Variants in CCDC190 observed in about 807,000 individuals in gnomAD.
CCDC190 encodes the protein coiled-coil domain containing 190.
CCDC190 carries 10 observed loss-of-function variants against 13.1 expected under a neutral mutation model. That is an observed-to-expected ratio of 0.77 (90% CI 0.47 to 1.30). The LOEUF (loss-of-function observed/expected upper bound fraction) is 1.30, where lower values mean the gene tolerates loss of function less well. CCDC190 is among the 50% of genes most tolerant of loss of function. The probability of loss-of-function intolerance (pLI) is 0.00; values close to 1 mark genes in which losing one functional copy is unlikely to be tolerated. For synonymous variants in CCDC190, 136 were observed against 127.2 expected, an observed-to-expected ratio of 1.07 and a Z score of -0.47; for missense variants, 375 against 354.3, an observed-to-expected ratio of 1.06 and a Z score of -0.47.
Position 162,859,565 on chromosome 1 carries a change from G to T in CCDC190, c.82C>A (p.Leu28Met). The change falls in exon 2 of 4, where the codon CTG (leucine) becomes ATG (methionine). Residue 28 changes from leucine to methionine, a missense_variant. Transcript: ENST00000367912. ...TTTAGTCTCTGCAGTCTTTGGTCCA[G>T]TCTGGCTTCAGCCTGCTTGGCATTC... ...RKNAKQAEARLDQRLQRLKVI... is the reference protein window; with the variant it reads ...RKNAKQAEARMDQRLQRLKVI... The T allele has an allele frequency of 1.2e-6, 2 of 1,613,950 alleles. No individual in the cohort carries two copies. The highest frequency in any genetic ancestry group is 1.7e-6 in the Non-Finnish European group (2 of 1,179,870).
chr1:162,857,537 A>G (rs770584181), intron 2 of CCDC190, among the ~76,000 whole-genome samples: 5 of 152,182 alleles, frequency 3.3e-5, no homozygotes, highest in African/African-American at 9.7e-5. Context: ...TGAGGCAAGC[A>G]GTGATCATGT....
chr1:162,863,911 C>T (rs900177777), upstream of CCDC190, among the ~76,000 whole-genome samples: 2 of 151,102 alleles, frequency 1.3e-5, no homozygotes, highest in African/African-American at 4.9e-5. Flanking sequence ...CCCAGCTACT[C>T]GGGAGGCTGA....
rs555028246 is a variant in CCDC190 at position 162,855,254 on chromosome 1, T to C, written c.417A>G (p.Pro139=). The C allele has an allele frequency of 4.3e-5, 69 of 1,613,816 alleles. 3 individuals are homozygous for C. In the South Asian group the frequency reaches 6.5e-4, roughly 15 times the overall value. The part of the protein sequence containing the change: ...LKDPMKSKKQ[P]LSQNNRTACF... ...AGGCAGTTCTGTTATTTTGAGAGAG[T>C]GGCTGCTTTTTGCTCTTCATGGGGT... Residue 139 remains proline, a synonymous_variant, in exon 4 of 4, where the codon CCA becomes CCG. Coordinates refer to ENST00000367912, the MANE Select transcript of CCDC190 (RefSeq NM_001394065.1).
chr1:162,855,293 A>G lies in CCDC190; in HGVS notation c.378T>C (p.Asp126=), dbSNP rs1650261865. 1 of 1,613,586 alleles carries G rather than the reference A, an allele frequency of 6.2e-7. No homozygotes were observed. The highest frequency in any genetic ancestry group is 1.7e-5 in the Admixed American group (1 of 60,010). The part of the protein sequence containing the change: ...KSKSQVPPSH[D]AGLKDPMKSK... ...TCTTCATGGGGTCTTTGAGGCCAGCATCATGTGAAGGAGGCACCTGGGACT... is the reference window on the plus strand; with the variant it reads ...TCTTCATGGGGTCTTTGAGGCCAGCGTCATGTGAAGGAGGCACCTGGGACT... The change falls in exon 4 of 4, where the codon GAT becomes GAC. Residue 126 remains aspartate (D), a synonymous_variant. Transcript: ENST00000367912.
At chr1:162,859,717 C>T (rs1054473656) in intron 1 of CCDC190, 59 bp from the exon 2 acceptor site, 74 of 1,404,874 alleles carry the variant, frequency 5.3e-5, no homozygotes, top group Admixed American at 9.2e-5. Context: ...ATACTGACCC[C>T]GGCTTTTAAT....
intron 1 of CCDC190, among the ~76,000 whole-genome samples, chr1:162,860,720 GCTAA>G (rs1650481074): frequency 6.6e-6 from 1 of 152,078 alleles, no homozygotes; most frequent in East Asian, 1.9e-4. Flanking sequence ...ACCACGCCTG[GCTAA>G]CTTTTTATAT....
At position 162,854,967 on chromosome 1, in the gene CCDC190, C is replaced by T. The variant is rs1227620020; in HGVS notation, c.704G>A (p.Ser235Asn). 5 of 1,613,930 alleles carry T rather than the reference C, an allele frequency of 3.1e-6. No homozygotes were observed. The highest frequency in any genetic ancestry group is 1.3e-5 in the African/African-American group (1 of 74,936). ...IPPKHMECAG[S>N]FEGEFTKPTF... ...TGGCTTTGTGAACTCGCCTTCGAAG[C>T]TTCCTGCACATTCCATGTGTTTTGG... Residue 235 changes from serine to asparagine, a missense_variant, in exon 4 of 4, where the codon AGC (serine) becomes AAC (asparagine). Ser to Asn is a conservative substitution (Grantham distance 46). Transcript: ENST00000367912.
chr1:162,854,841 C>T lies in CCDC190; in HGVS notation c.830G>A (p.Gly277Glu), dbSNP rs1650227386. Residue 277 changes from glycine (G) to glutamate (E), a missense_variant, in exon 4 of 4, where the codon GGG (glycine) becomes GAG (glutamate). Gly to Glu is a moderately conservative substitution (Grantham distance 98). Coordinates refer to ENST00000367912, the MANE Select transcript of CCDC190 (RefSeq NM_001394065.1). ...CCTGGATGATGAGGATTCCCCATGC[C>T]CAAATATCTCTCCAATGCTAAGCAA... Reference protein sequence around the residue: ...ERLLSIGEIFGHGESSSSRAG... With the variant: ...ERLLSIGEIFEHGESSSSRAG... 5.0e-6 allele frequency: 8 copies of T among 1,613,832 alleles called. No homozygotes were observed. Among genetic ancestry groups the T allele is most frequent in the Non-Finnish European group, 6.8e-6 (8 of 1,179,882 alleles).
intron 1 of CCDC190, among the ~76,000 whole-genome samples, chr1:162,860,719 G>T (rs1379545220): frequency 2.0e-5 from 3 of 151,908 alleles, no homozygotes; most frequent in Non-Finnish European, 2.9e-5. Flanking sequence ...CACCACGCCT[G>T]GCTAACTTTT....
intron 2 of CCDC190, among the ~76,000 whole-genome samples, chr1:162,857,552 G>A (rs566737857): frequency 2.4e-4 from 36 of 152,182 alleles, no homozygotes; most frequent in Admixed American, 7.8e-4. Context: ...TCATGTATGC[G>A]CCTTTATACA....
At chr1:162,856,280 G>C (rs1329861667) in intron 2 of CCDC190, among the ~76,000 whole-genome samples, 1 of 152,150 alleles carries the variant, frequency 6.6e-6, no homozygotes, top group African/African-American at 2.4e-5. Flanking sequence ...TTGATCTGGT[G>C]TGATAGATGG....
chr1:162,868,054 A>G (rs1247633249), intron 1 of CCDC190, among the ~76,000 whole-genome samples: 1 of 152,230 alleles, frequency 6.6e-6, no homozygotes, highest in Non-Finnish European at 1.5e-5. Flanking sequence ...TTTAGTGGAT[A>G]TAAATTTTAT....
chr1:162,864,913 A>G (rs1650646895), upstream of CCDC190, among the ~76,000 whole-genome samples: 2 of 152,228 alleles, frequency 1.3e-5, no homozygotes, highest in Middle Eastern at 3.4e-3. Flanking sequence ...ACCATAATAA[A>G]TGTAAATGGT....
rs1650239754 is a variant in CCDC190 at position 162,854,977 on chromosome 1, A to G, written c.694T>C (p.Cys232Arg). The G allele has an allele frequency of 6.8e-6, 11 of 1,614,002 alleles. No homozygotes were observed. In the South Asian group the frequency reaches 1.1e-4, roughly 16 times the overall value. Residue 232 changes from cysteine to arginine, a missense_variant, in exon 4 of 4, where the codon TGT (cysteine) becomes CGT (arginine). Cys to Arg is a radical substitution (Grantham distance 180). Transcript: ENST00000367912. ...GKQIPPKHME[C>R]AGSFEGEFTK... ...AACTCGCCTTCGAAGCTTCCTGCAC[A>G]TTCCATGTGTTTTGGGGGAATTTGT...
rs1481694257 is a variant in CCDC190 at position 162,853,006 on chromosome 1, A to G, written c.*1759T>C. The G allele has an allele frequency of 9.9e-7, 1 of 1,011,136 alleles. No homozygotes were observed. The highest frequency in any genetic ancestry group is 2.6e-5 in the East Asian group (1 of 38,198). 62.6% of individuals were successfully genotyped at this position (1,011,136 alleles called of 1,614,324 possible). A position where few individuals can be genotyped will look rare whatever the true frequency, so the allele number is the denominator to read the frequency against. ...ATGTTGGCCCAGGCATGGCTGGTGC[A>G]AATAAATTAAGTTTTTGTGAATCAA... On this transcript the variant is annotated 3_prime_UTR_variant, in exon 4 of 4. Coordinates refer to ENST00000367912, the MANE Select transcript of CCDC190 (RefSeq NM_001394065.1).
In CCDC190 at chr1:162,854,660, C is replaced by G. The variant is rs1571038068; in HGVS notation, c.*105G>C. 5.6e-6 allele frequency: 8 copies of G among 1,435,980 alleles called. No individual in the cohort carries two copies. In the South Asian group the frequency reaches 8.3e-5, roughly 15 times the overall value. 89.0% of individuals were successfully genotyped at this position (1,435,980 alleles called of 1,614,324 possible). A position where few individuals can be genotyped will look rare whatever the true frequency, so the allele number is the denominator to read the frequency against. On this transcript the variant is annotated 3_prime_UTR_variant, in exon 4 of 4. Coordinates refer to ENST00000367912, the MANE Select transcript of CCDC190 (RefSeq NM_001394065.1). ...GGGAGTTTAAAATAAAATTGTAATT[C>G]AATTATGTTTGTTTGTTTTTCTCTG...
chr1:162,855,558 A>G, intron 3 of CCDC190, 74 bp downstream of exon 3: 1 of 1,576,600 alleles, frequency 6.3e-7, no homozygotes. Context: ...TTTCTTCAGG[A>G]AAACAGTTTA....
rs765990205 is a variant in CCDC190, at chr1:162,854,879, A to AG, written c.791dup (p.Glu265Ter). ...CAATGCTAAGCAACCTCTCAGACTCAGGGGGGACCCTGTGCCGGAGATAAT... is the reference window on the plus strand; with the variant it reads ...CAATGCTAAGCAACCTCTCAGACTCAGGGGGGGACCCTGTGCCGGAGATAAT... On this transcript the variant is annotated frameshift_variant, in exon 4 of 4. Coordinates refer to ENST00000367912, the MANE Select transcript of CCDC190 (RefSeq NM_001394065.1). LOFTEE classifies it low-confidence loss of function (END_TRUNC). 9.3e-6 allele frequency: 15 copies of AG among 1,613,830 alleles called. No individual in the cohort carries two copies. The highest frequency in any genetic ancestry group is 2.7e-5 in the African/African-American group (2 of 74,938).
upstream of CCDC190, among the ~76,000 whole-genome samples, chr1:162,863,350 T>C (rs1650585795): frequency 6.6e-6 from 1 of 152,202 alleles, no homozygotes; most frequent in South Asian, 2.1e-4. Flanking sequence ...GGTTTTCTGA[T>C]AGAATTGAAT....
Sources: gnomAD v4.1 joint callset for allele counts (sites outside exome capture counted in the v4.1 genomes callset) on GRCh38, gnomAD v4.1.1 for gene constraint, MANE v1.5 for transcripts, NCBI Gene and HGNC (gene_info 2026-07-23, HGNC 2026-07-21) for gene names.